DLC1: variants seen among roughly 807,000 people sequenced by gnomAD.
The protein encoded by DLC1 is rho GTPase-activating protein 7.
In DLC1, 54 loss-of-function variants were observed where a neutral mutation model predicts 140.3. That is an observed-to-expected ratio of 0.38 (90% confidence interval 0.31 to 0.48). The LOEUF (loss-of-function observed/expected upper bound fraction) is 0.48. DLC1 is among the 20% of genes least tolerant of loss of function. The pLI is 0.96. For missense variants in DLC1, 2,536 were observed against 1,907.0 expected, an observed-to-expected ratio of 1.33 and a Z score of -6.14; for synonymous variants, 986 against 728.1, an observed-to-expected ratio of 1.35 and a Z score of -5.70.
At chr8:13,188,860 T>C in intron 5 of DLC1, among the ~76,000 whole-genome samples, 1 of 131,026 alleles carries the variant, frequency 7.6e-6, no homozygotes, top group Non-Finnish European at 1.6e-5. Flanking sequence ...TTTTTTTTTT[T>C]TTTTTTTTTT....
chr8:13,373,773 G>T (rs141490859), intron 4 of DLC1, among the ~76,000 whole-genome samples: 1 of 152,022 alleles, frequency 6.6e-6, no homozygotes, highest in African/African-American at 2.4e-5. Context: ...CTTCATGAAC[G>T]TCTTTAAAAG....
intron 5 of DLC1, among the ~76,000 whole-genome samples, chr8:13,192,607 C>T (rs997392822): frequency 6.6e-5 from 10 of 152,242 alleles, no homozygotes; most frequent in South Asian, 2.1e-4. Context: ...ATGTTTTGGA[C>T]AGAATTGTAG....
At chr8:13,224,865 G>T (rs1828717347) in intron 5 of DLC1, among the ~76,000 whole-genome samples, 1 of 152,110 alleles carries the variant, frequency 6.6e-6, no homozygotes. Flanking sequence ...TATGCACCAC[G>T]TTAGTTAACC....
intron 2 of DLC1, among the ~76,000 whole-genome samples, chr8:13,440,038 G>T (rs1798423509): frequency 6.6e-6 from 1 of 152,154 alleles, no homozygotes; most frequent in Non-Finnish European, 1.5e-5. Context: ...ACGGTAATAG[G>T]TATTAGGAGG....
chr8:13,414,597 C>T lies in DLC1; in HGVS notation c.1024-12978G>A, dbSNP rs1837959077. 2.6e-5 allele frequency among the ~76,000 whole-genome samples: 4 copies of T among 152,208 alleles called. 1 individual carries two copies. The Middle Eastern group carries it at 0.014, about 518-fold the overall frequency. On this transcript the variant is annotated intron_variant, in intron 2 of 17. Coordinates refer to ENST00000276297, the MANE Select transcript of DLC1 (RefSeq NM_182643.3). Reference sequence around the variant, plus strand: ...TATGACCTTGGCTTTCTACCATAAACCCAAACTGACATTTTCTAAGAAGTG... The same window carrying T: ...TATGACCTTGGCTTTCTACCATAAATCCAAACTGACATTTTCTAAGAAGTG...
intron 4 of DLC1, among the ~76,000 whole-genome samples, chr8:13,388,514 A>G (rs1836618826): frequency 6.6e-6 from 1 of 152,024 alleles, no homozygotes; most frequent in Non-Finnish European, 1.5e-5. Context: ...TTTATACTGA[A>G]AGATTGTATG....
chr8:13,186,174 C>T (rs1425343244), intron 5 of DLC1, among the ~76,000 whole-genome samples: 1 of 152,114 alleles, frequency 6.6e-6, no homozygotes, highest in Admixed American at 6.5e-5. Flanking sequence ...CTCTGTATTT[C>T]CTGAAATTGA....
In DLC1 at chr8:13,565,086, T is replaced by G. The variant is rs113684675; in HGVS notation, c.-126+39451A>C. Among the ~76,000 whole-genome samples the G allele has an allele frequency of 3.3e-4, 50 of 152,312 alleles. 1 individual carries two copies. Among genetic ancestry groups the G allele is most frequent in the African/African-American group, 1.1e-3 (44 of 41,568 alleles). On this transcript the variant is annotated intron_variant, in intron 1 of 1. Coordinates refer to the DLC1 transcript ENST00000631382. ...ATCTTATTTGATAAATATAGTACTG[T>G]TGAGAAATTTTCTTCCTTAGATAAC... is the stretch of plus-strand genomic sequence containing the variant.
intron 2 of DLC1, among the ~76,000 whole-genome samples, chr8:13,401,829 T>C (rs1210412985): frequency 6.6e-6 from 1 of 152,184 alleles, no homozygotes; most frequent in South Asian, 2.1e-4. Context: ...ATATTAAATA[T>C]ATATCTTGTA....
chr8:13,445,089 G>C lies in DLC1; in HGVS notation c.1024-43470C>G, dbSNP rs557511761. 2.9e-4 allele frequency among the ~76,000 whole-genome samples: 44 copies of C among 152,100 alleles called. 1 individual carries two copies. The highest frequency in any genetic ancestry group is 2.6e-3 in the Admixed American group (40 of 15,262). ...ACACAGCAGGGGAGAGAGAGGGGAA[G>C]AGAGTGAGAAAGAGAAAGTGTGTGA... On this transcript the variant is annotated intron_variant, in intron 2 of 17. Transcript: ENST00000276297.
intron 2 of DLC1, among the ~76,000 whole-genome samples, chr8:13,468,811 CTTTTTTT>C (rs78775803): frequency 3.3e-5 from 3 of 89,960 alleles, no homozygotes; most frequent in Non-Finnish European, 3.9e-5. Flanking sequence ...TTTATGTCTG[CTTTTTTT>C]TTTTTTTTTT....
chr8:13,156,210 C>CA (rs1185341439), intron 5 of DLC1, among the ~76,000 whole-genome samples: 1 of 152,126 alleles, frequency 6.6e-6, no homozygotes, highest in Non-Finnish European at 1.5e-5. Flanking sequence ...TTACTGTTAA[C>CA]AACTGTTTCA....
intron 2 of DLC1, among the ~76,000 whole-genome samples, chr8:13,495,804 T>G (rs1801474272): frequency 6.6e-6 from 1 of 152,222 alleles, no homozygotes. Flanking sequence ...TTATTAAAAG[T>G]ACAATGATAT....
At chr8:13,357,094 C>T (rs938612566) in intron 4 of DLC1, among the ~76,000 whole-genome samples, 6 of 152,002 alleles carry the variant, frequency 3.9e-5, no homozygotes, top group Non-Finnish European at 7.4e-5. Context: ...TATAACAAAA[C>T]CCCATTTCTA....
chr8:13,091,581 G>C (rs1818080353), intron 13 of DLC1, 149 bp from the exon 14 acceptor site: 1 of 600,504 alleles, frequency 1.7e-6, no homozygotes, highest in African/African-American at 1.9e-5. Flanking sequence ...TTTTTACTTT[G>C]GTCACCAGAG....
At chr8:13,153,648 GAC>G (rs911424115) in intron 5 of DLC1, among the ~76,000 whole-genome samples, 1 of 152,014 alleles carries the variant, frequency 6.6e-6, no homozygotes, top group Non-Finnish European at 1.5e-5. Flanking sequence ...CCCTGAGCTA[GAC>G]ACAGAGTGCT....
chr8:13,393,363 A>G (rs923359698), intron 4 of DLC1, among the ~76,000 whole-genome samples, 190 bp downstream of exon 4: 2 of 152,220 alleles, frequency 1.3e-5, no homozygotes, highest in African/African-American at 2.4e-5. Flanking sequence ...TCAGTGAAGT[A>G]CTTGTGTTAT....
intron 5 of DLC1, among the ~76,000 whole-genome samples, chr8:13,151,639 A>G (rs1192947752): frequency 6.6e-6 from 1 of 152,234 alleles, no homozygotes. Context: ...TCTGAGCTTG[A>G]GCTACCTTGA....
At chr8:13,368,137 A>G (rs950430621) in intron 4 of DLC1, among the ~76,000 whole-genome samples, 10 of 152,208 alleles carry the variant, frequency 6.6e-5, no homozygotes, top group African/African-American at 2.4e-4. Flanking sequence ...AAAGAAAGTT[A>G]GAGCTCTTCT....
Sources: gnomAD v4.1 joint callset for allele counts (sites outside exome capture counted in the v4.1 genomes callset) on GRCh38, gnomAD v4.1.1 for gene constraint, MANE v1.5 for transcripts, NCBI Gene and HGNC (gene_info 2026-07-23, HGNC 2026-07-21) for gene names.